NUP62CL: variants seen among roughly 807,000 people sequenced by gnomAD.
The protein encoded by NUP62CL is nucleoporin 62 C-terminal like.
In NUP62CL, 13 loss-of-function variants were observed where a neutral mutation model predicts 15.3. That is an observed-to-expected ratio of 0.85 (90% CI 0.55 to 1.35). NUP62CL has a LOEUF of 1.35. Among genes scored for constraint, NUP62CL ranks in the 40% most tolerant of loss-of-function variants. The pLI is 0.00. For missense variants in NUP62CL, 123 were observed against 130.6 expected, an observed-to-expected ratio of 0.94 and a Z score of 0.28; for synonymous variants, 54 against 49.2, an observed-to-expected ratio of 1.10 and a Z score of -0.41.
chrX:107,180,913 CTTTTT>C (rs35001668), intron 2 of NUP62CL, among the ~76,000 whole-genome samples: 1 of 85,156 alleles, frequency 1.2e-5, no homozygotes. Flanking sequence ...TATGGTTTCG[CTTTTT>C]TTTTTTTTTT....
At chrX:107,126,099 A>G (rs946696990) in intron 8 of NUP62CL, among the ~76,000 whole-genome samples, 1 of 112,331 alleles carries the variant, frequency 8.9e-6, no homozygotes, top group Non-Finnish European at 1.9e-5. Context: ...ATTGTTCTAA[A>G]CAATATGAAA....
intron 8 of NUP62CL, among the ~76,000 whole-genome samples, chrX:107,137,426 C>A (rs1004331937): frequency 1.1e-4 from 12 of 111,440 alleles, no homozygotes; most frequent in African/African-American, 3.6e-4. Context: ...AAATGACATA[C>A]AGATTGGAAA....
chrX:107,172,016 ATGTAAAAGAAGAAATAAAAAGATGAG>A (rs1926664019), intron 3 of NUP62CL, among the ~76,000 whole-genome samples: 1 of 110,506 alleles, frequency 9.0e-6, no homozygotes, highest in African/African-American at 3.3e-5. Flanking sequence ...TCATAAGGTC[ATGTAAAAGAAGAAATAAAAAGATGAG>A]GCCAGGTGTG....
intron 8 of NUP62CL, among the ~76,000 whole-genome samples, chrX:107,143,238 T>C (rs1396433951): frequency 8.9e-6 from 1 of 111,834 alleles, no homozygotes; most frequent in African/African-American, 3.3e-5. Flanking sequence ...AAATCACGCT[T>C]TTTTATTAGA....
At chrX:107,189,005 C>A (rs1326728528) in intron 2 of NUP62CL, among the ~76,000 whole-genome samples, 2 of 111,419 alleles carry the variant, frequency 1.8e-5, no homozygotes, top group Non-Finnish European at 3.8e-5. Flanking sequence ...TGCTTTTTTT[C>A]TCACTAAAAA....
At chrX:107,204,824 AAATAAATTTTAAATAAATTAT>A (rs1490446952) in intron 1 of NUP62CL, among the ~76,000 whole-genome samples, 11 of 84,211 alleles carry the variant, frequency 1.3e-4, no homozygotes, top group African/African-American at 2.4e-4. Context: ...TAAATTATTT[AAATAAATTTTAAATAAATTAT>A]TTATTTAAAT....
chrX:107,174,301 A>G (rs1035897886), intron 3 of NUP62CL, among the ~76,000 whole-genome samples: 2 of 106,993 alleles, frequency 1.9e-5, no homozygotes, highest in Non-Finnish European at 3.9e-5. Context: ...ACAGGCATGC[A>G]CCACTATGTC....
intron 8 of NUP62CL, among the ~76,000 whole-genome samples, chrX:107,146,735 C>A (rs1025587655): frequency 9.0e-6 from 1 of 111,264 alleles, no homozygotes; most frequent in African/African-American, 3.3e-5. Context: ...GATGTTCAAA[C>A]CATCCTAATG....
intron 1 of NUP62CL, among the ~76,000 whole-genome samples, 180 bp downstream of exon 1, chrX:107,206,093 G>T (rs1927674325): frequency 9.0e-6 from 1 of 110,694 alleles, no homozygotes; most frequent in East Asian, 2.9e-4. Context: ...AAGGCTGGGG[G>T]CGTGGAGGAC....
intron 1 of NUP62CL, among the ~76,000 whole-genome samples, chrX:107,204,589 C>A: frequency 9.1e-6 from 1 of 110,117 alleles, no homozygotes; most frequent in South Asian, 3.8e-4. Flanking sequence ...TGACACTGTA[C>A]CAAGTATTTC....
At chrX:107,162,563 C>T (rs1454496586) in intron 4 of NUP62CL, among the ~76,000 whole-genome samples, 2 of 111,883 alleles carry the variant, frequency 1.8e-5, no homozygotes, top group African/African-American at 6.5e-5. Flanking sequence ...ATGCAGGCTT[C>T]AAGCACTGAA....
At chrX:107,180,913 CTTT>C (rs35001668) in intron 2 of NUP62CL, among the ~76,000 whole-genome samples, 3 of 85,124 alleles carry the variant, frequency 3.5e-5, no homozygotes, top group African/African-American at 8.9e-5. Context: ...TATGGTTTCG[CTTT>C]TTTTTTTTTT....
rs143141464 is a variant in NUP62CL at position 107,155,602 on chromosome X, G to A, written c.195-1356C>T. On this transcript the variant is annotated intron_variant, in intron 4 of 8. Coordinates refer to ENST00000372466, the MANE Select transcript of NUP62CL (RefSeq NM_017681.3). ...AGTGCTCCACTTTTGCTGGAGTGGTGTGGGTAAGGTCCAGTGGGAAGCTGA... is the reference window on the plus strand; with the variant it reads ...AGTGCTCCACTTTTGCTGGAGTGGTATGGGTAAGGTCCAGTGGGAAGCTGA... 3.7e-4 allele frequency among the ~76,000 whole-genome samples: 42 copies of A among 112,112 alleles called. No homozygotes were observed. The East Asian group carries it at 9.6e-3, about 26-fold the overall frequency.
chrX:107,128,629 A>G (rs1925441616), intron 8 of NUP62CL, among the ~76,000 whole-genome samples: 1 of 111,857 alleles, frequency 8.9e-6, no homozygotes, highest in Non-Finnish European at 1.9e-5. Context: ...GGGGATAAAC[A>G]ACTATTAGAA....
chrX:107,181,002 C>T (rs886788934), intron 2 of NUP62CL, among the ~76,000 whole-genome samples: 5 of 105,297 alleles, frequency 4.7e-5, no homozygotes, highest in South Asian at 4.6e-4. Flanking sequence ...CTGCAACCTC[C>T]GCCTCCTGGG....
At position 107,153,115 on chromosome X, in the gene NUP62CL, A is replaced by G. The variant is rs1480614615; in HGVS notation, c.530+57T>C. The G allele has an allele frequency of 9.6e-5, 104 of 1,079,529 alleles. 1 individual carries two copies. The East Asian group carries it at 3.4e-3, about 35-fold the overall frequency. 89.0% of individuals were successfully genotyped at this position (1,079,529 alleles called of 1,213,427 possible). A position where few individuals can be genotyped will look rare whatever the true frequency, so the allele number is the denominator to read the frequency against. On this transcript the variant is annotated intron_variant, in intron 7 of 8. Coordinates refer to ENST00000372466, the MANE Select transcript of NUP62CL (RefSeq NM_017681.3). ...TCGACTTTTCCCCTCTGTTCCTGGA[A>G]TGCTCTCAGAATACGTAAGTCCTGC...
intron 4 of NUP62CL, among the ~76,000 whole-genome samples, chrX:107,155,934 A>G (rs965973457): frequency 8.9e-6 from 1 of 112,216 alleles, no homozygotes; most frequent in Non-Finnish European, 1.9e-5. Context: ...CACCGTGCGC[A>G]AGCCAAAGCA....
chrX:107,185,936 TCAGA>T (rs1352322377), intron 2 of NUP62CL, among the ~76,000 whole-genome samples: 2 of 111,570 alleles, frequency 1.8e-5, no homozygotes, highest in Middle Eastern at 4.2e-3. Flanking sequence ...TATATTATTA[TCAGA>T]CAAAGTAGAC....
intron 8 of NUP62CL, among the ~76,000 whole-genome samples, chrX:107,128,181 C>T (rs1925431897): frequency 8.9e-6 from 1 of 112,500 alleles, no homozygotes; most frequent in African/African-American, 3.2e-5. Context: ...AATTTACCTA[C>T]AGCTAGGTTT....
Sources: allele counts gnomAD v4.1 joint callset (sites outside exome capture counted in the v4.1 genomes callset), GRCh38; gene constraint gnomAD v4.1.1; transcripts MANE v1.5; gene names NCBI Gene and HGNC (gene_info 2026-07-23, HGNC 2026-07-21).